RBM25: variants seen among roughly 807,000 people sequenced by gnomAD.
RBM25 encodes RNA-binding protein 25.
In RBM25, 19 loss-of-function variants were observed where a neutral mutation model predicts 120.7. The ratio of observed to expected loss-of-function variants is 0.16; its 90% CI spans 0.11 to 0.23. The LOEUF is 0.23. Among genes scored for constraint, RBM25 ranks in the 10% least tolerant of loss-of-function variants. RBM25 has a pLI of 1.00. For missense variants in RBM25, 605 were observed against 1,041.5 expected (o/e 0.58, Z 5.77); for synonymous variants, 390 against 326.7 (o/e 1.19, Z -2.09).
In RBM25 at chr14:73,077,438, G is replaced by C; in HGVS notation, c.226G>C (p.Ala76Pro). 4 of 1,613,872 alleles carry C rather than the reference G, an allele frequency of 2.5e-6. No individual in the cohort carries two copies. Among genetic ancestry groups the C allele is most frequent in the Non-Finnish European group, 3.4e-6 (4 of 1,179,816 alleles). The change falls in exon 4 of 19, where the codon GCT becomes CCT. Residue 76 changes from alanine to proline, a missense_variant. Physicochemically the swap from Ala to Pro is conservative, Grantham distance 27. Transcript: ENST00000261973. ...AAGAAAGGATCATCCAGGCTTAAAGGCTAAAGAAAATGATGAAAATTGTGG... is the reference window on the plus strand; with the variant it reads ...AAGAAAGGATCATCCAGGCTTAAAGCCTAAAGAAAATGATGAAAATTGTGG... ...GARKDHPGLK[A>P]KENDENCGPT...
At chr14:73,108,634 T>G (rs1244585412) in intron 13 of RBM25, among the ~76,000 whole-genome samples, 1 of 152,246 alleles carries the variant, frequency 6.6e-6, no homozygotes, top group Non-Finnish European at 1.5e-5. Flanking sequence ...AGACAGTGTC[T>G]TGATACTATT....
intron 6 of RBM25, among the ~76,000 whole-genome samples, chr14:73,096,244 T>C (rs1287275312): frequency 2.6e-5 from 4 of 152,184 alleles, no homozygotes; most frequent in Admixed American, 6.5e-5. Context: ...CCCATAGTGC[T>C]GGGATTACAG....
chr14:73,103,148 G>T (rs746168438), intron 9 of RBM25, 44 bp from the exon 10 acceptor site: 153 of 1,573,994 alleles, frequency 9.7e-5, no homozygotes, highest in Non-Finnish European at 1.3e-4. Flanking sequence ...TCTGAATACT[G>T]GAGCTACAGA....
chr14:73,087,958 T>G lies in RBM25; in HGVS notation c.383-43T>G, dbSNP rs1895728649. ...CTTTTCCATAATTTTTTTTCTTTTG[T>G]AAGTGAATTGGTATTTCACTAATTG... On this transcript the variant is annotated intron_variant, in intron 5 of 18. Transcript: ENST00000261973. 8 of 1,575,758 alleles carry G rather than the reference T, an allele frequency of 5.1e-6. No homozygotes were observed. In the East Asian group the frequency reaches 1.8e-4, roughly 35 times the overall value.
At chr14:73,059,692 G>A (rs1472788074) in intron 1 of RBM25, among the ~76,000 whole-genome samples, 1 of 152,160 alleles carries the variant, frequency 6.6e-6, no homozygotes, top group Non-Finnish European at 1.5e-5. Flanking sequence ...TTTTTTTAAA[G>A]GCTATTTCCA....
At chr14:73,062,142 C>T (rs755713011) in intron 1 of RBM25, among the ~76,000 whole-genome samples, 3 of 151,358 alleles carry the variant, frequency 2.0e-5, no homozygotes, top group Non-Finnish European at 4.4e-5. Context: ...GAGTGTTGCT[C>T]TTTAATCATT....
intron 7 of RBM25, among the ~76,000 whole-genome samples, chr14:73,097,514 T>C (rs1895974823): frequency 6.6e-6 from 1 of 152,180 alleles, no homozygotes; most frequent in Admixed American, 6.5e-5. Flanking sequence ...TTAAACTTTT[T>C]TACAGAGACA....
At chr14:73,059,320 GC>G (rs1434531704) in intron 1 of RBM25, 1 of 152,072 alleles carries the variant, frequency 6.6e-6, no homozygotes, top group Admixed American at 6.6e-5. Flanking sequence ...CATGAATTTT[GC>G]CATCCTGCCT....
chr14:73,080,635 T>C (rs1265029600), intron 4 of RBM25, among the ~76,000 whole-genome samples: 2 of 152,150 alleles, frequency 1.3e-5, no homozygotes, highest in African/African-American at 4.8e-5. Context: ...AATTTTGATA[T>C]TATCTGTTGA....
intron 4 of RBM25, among the ~76,000 whole-genome samples, chr14:73,079,519 G>A (rs1442681344): frequency 6.6e-6 from 1 of 150,562 alleles, no homozygotes; most frequent in Non-Finnish European, 1.5e-5. Context: ...ATCTTGTGTA[G>A]GTTCTCTGTA....
chr14:73,063,669 C>T (rs906160376), intron 1 of RBM25, among the ~76,000 whole-genome samples: 3 of 151,254 alleles, frequency 2.0e-5, no homozygotes, highest in Non-Finnish European at 3.0e-5. Context: ...TTCACCACTA[C>T]CACCTGTTCC....
At position 73,059,753 on chromosome 14, in the gene RBM25, G is replaced by C. The variant is rs1022291682; in HGVS notation, c.-16+1048G>C. On this transcript the variant is annotated intron_variant, in intron 1 of 18. Transcript: ENST00000261973. Reference sequence around the variant, plus strand: ...ATTAAGTTGGTCATAAGTTACTCATGATTCAAGTGAATCTTATAGTATTCT... The same window carrying C: ...ATTAAGTTGGTCATAAGTTACTCATCATTCAAGTGAATCTTATAGTATTCT... Among the ~76,000 whole-genome samples the C allele has an allele frequency of 4.6e-5, 7 of 152,210 alleles. No homozygotes were observed. The South Asian group carries it at 1.4e-3, about 31-fold the overall frequency.
At chr14:73,067,604 ATTT>A (rs1050067182) in intron 1 of RBM25, among the ~76,000 whole-genome samples, 1 of 106,302 alleles carries the variant, frequency 9.4e-6, no homozygotes, top group Non-Finnish European at 1.9e-5. Context: ...TATTGCCTGT[ATTT>A]TTTTTTTTTT....
chr14:73,119,704 C>G lies in RBM25; in HGVS notation c.2440-9C>G, dbSNP rs761475505. ...TCTTACATGTGTTGCTGTTTTGTTTCCTCTTTAGGTACTTGATGAAGAAGC... is the reference window on the plus strand; with the variant it reads ...TCTTACATGTGTTGCTGTTTTGTTTGCTCTTTAGGTACTTGATGAAGAAGC... On this transcript the variant is annotated splice_polypyrimidine_tract_variant and intron_variant, in intron 18 of 18. Coordinates refer to ENST00000261973, the MANE Select transcript of RBM25 (RefSeq NM_021239.3). 9.3e-6 allele frequency: 15 copies of G among 1,610,608 alleles called. No individual in the cohort carries two copies. The highest frequency in any genetic ancestry group is 1.1e-5 in the Non-Finnish European group (13 of 1,179,068).
In RBM25 at chr14:73,119,915, T is replaced by A. The variant is rs1896510379; in HGVS notation, c.*110T>A. 76 of 1,445,002 alleles carry A rather than the reference T, an allele frequency of 5.3e-5. No homozygotes were observed. The highest frequency in any genetic ancestry group is 6.5e-5 in the Non-Finnish European group (72 of 1,103,864). 89.5% of individuals were successfully genotyped at this position (1,445,002 alleles called of 1,614,324 possible). A position where few individuals can be genotyped will look rare whatever the true frequency, so the allele number is the denominator to read the frequency against. The stretch of plus-strand genomic sequence containing the variant: ...ATTGTGAGATCTGTAATTTTTTTTT[T>A]TTGTAGAAAATGTGAATTTTTTGGT... On this transcript the variant is annotated 3_prime_UTR_variant, in exon 19 of 19. Transcript: ENST00000261973.
intron 6 of RBM25, among the ~76,000 whole-genome samples, chr14:73,095,983 A>T (rs969994753): frequency 2.0e-5 from 3 of 152,154 alleles, no homozygotes; most frequent in Admixed American, 6.5e-5. Flanking sequence ...AGAAAATAAT[A>T]ATTATTATTA....
At chr14:73,098,822 T>C (rs1368152455) in intron 7 of RBM25, among the ~76,000 whole-genome samples, 1 of 152,096 alleles carries the variant, frequency 6.6e-6, no homozygotes, top group Non-Finnish European at 1.5e-5. Flanking sequence ...TTTTTGTATT[T>C]TTAATAGAGA....
intron 17 of RBM25, among the ~76,000 whole-genome samples, chr14:73,113,518 C>G (rs1376127892): frequency 1.3e-5 from 2 of 151,836 alleles, no homozygotes; most frequent in Non-Finnish European, 2.9e-5. Context: ...TGGTAAAACC[C>G]CGCCTCTACT....
intron 17 of RBM25, among the ~76,000 whole-genome samples, chr14:73,113,698 A>T (rs1378456324): frequency 1.3e-5 from 2 of 151,258 alleles, no homozygotes; most frequent in African/African-American, 2.4e-5. Context: ...GTCTCAAAAT[A>T]AAAAAAAAGA....
Sources: allele counts gnomAD v4.1 joint callset (sites outside exome capture counted in the v4.1 genomes callset), GRCh38; gene constraint gnomAD v4.1.1; transcripts MANE v1.5; gene names NCBI Gene and HGNC (gene_info 2026-07-23, HGNC 2026-07-21).